The following CKMT1B variants were observed in gnomAD, a reference collection of about 807,000 sequenced individuals.
CKMT1B encodes the protein creatine kinase, mitochondrial 1B, also known as creatine kinase U-type, mitochondrial.
In CKMT1B, 13 loss-of-function variants were observed where a neutral mutation model predicts 21.8. The ratio of observed to expected loss-of-function variants is 0.60; its 90% confidence interval spans 0.39 to 0.95. The LOEUF (loss-of-function observed/expected upper bound fraction) is 0.95, where lower values mean the gene tolerates loss of function less well. Ranked by LOEUF, CKMT1B falls within the 40% of genes least tolerant of loss-of-function variation. The pLI, the probability that CKMT1B is intolerant of heterozygous loss-of-function variation, is 0.00. For missense variants in CKMT1B, 157 were observed against 227.5 expected, an observed-to-expected ratio of 0.69 and a Z score of 1.99; for synonymous variants, 50 against 80.3, an observed-to-expected ratio of 0.62 and a Z score of 2.02.
At position 43,598,252 on chromosome 15, in the gene CKMT1B, C is replaced by T. The variant is rs763630992; in HGVS notation, c.936C>T (p.Tyr312=). 17 of 1,607,606 alleles carry T rather than the reference C, an allele frequency of 1.1e-5. No individual in the cohort carries two copies. Among genetic ancestry groups the T allele is most frequent in the South Asian group, 7.7e-5 (7 of 90,908 alleles). The stretch of plus-strand genomic sequence containing the variant: ...TCATGTGGAATGAGCGTTTGGGATA[C>T]ATCTTGACCTGTCCATCTAACCTGG... ...WEFMWNERLG[Y]ILTCPSNLGT... Residue 312 remains tyrosine (Y), a synonymous_variant, in exon 7 of 9, where the codon TAC becomes TAT. Coordinates refer to ENST00000441322, the MANE Select transcript of CKMT1B (RefSeq NM_001375484.1).
intron 5 of CKMT1B, 22 bp from the exon 6 acceptor site, chr15:43,596,386 A>G: frequency 6.5e-7 from 1 of 1,534,436 alleles, no homozygotes; most frequent in Non-Finnish European, 8.8e-7. Flanking sequence ...CCTCTTGATC[A>G]CTGTCCCTCT....
chr15:43,599,361 C>T lies in CKMT1B; in HGVS notation c.*88C>T, dbSNP rs1166042436. The T allele has an allele frequency of 3.1e-6, 5 of 1,602,144 alleles. No homozygotes were observed. The African/African-American group carries it at 4.0e-5, about 13-fold the overall frequency. ...ATTCTACTTGCTCTGGACCTGCCCCCGCATCCCCTGCCTCCATCCTAGTAA... is the reference window on the plus strand; with the variant it reads ...ATTCTACTTGCTCTGGACCTGCCCCTGCATCCCCTGCCTCCATCCTAGTAA... On this transcript the variant is annotated 3_prime_UTR_variant, in exon 9 of 9. Transcript: ENST00000441322.
rs2085605187 is a variant in CKMT1B at position 43,598,097 on chromosome 15, A to G, written c.877-96A>G. 2.6e-6 allele frequency: 4 copies of G among 1,551,062 alleles called. No homozygotes were observed. The Admixed American group carries it at 7.4e-5, about 29-fold the overall frequency. ...ATTCACAGCCAAGTTTCTGTTCTAG[A>G]CATATTTCTAGTGTTCTTGTGGGTC... On this transcript the variant is annotated intron_variant, in intron 6 of 8. Transcript: ENST00000441322.
Position 43,598,856 on chromosome 15 carries a change from C to A in CKMT1B, c.1041C>A (p.Asn347Lys), listed in dbSNP as rs2085628283. 1 of 1,608,660 alleles carries A rather than the reference C, an allele frequency of 6.2e-7. No homozygotes were observed. The highest frequency in any genetic ancestry group is 8.5e-7 in the Non-Finnish European group (1 of 1,179,398). Residue 347 changes from asparagine (N) to lysine (K), a missense_variant, in exon 8 of 9, where the codon AAC becomes AAA. Transcript: ENST00000441322. Reference sequence around the variant, plus strand: ...GCCGCTTCCCAAAGATCCTGGAGAACCTAAGACTCCAAAAACGTGGTACTG... The same window carrying A: ...GCCGCTTCCCAAAGATCCTGGAGAAACTAAGACTCCAAAAACGTGGTACTG... ...KDSRFPKILE[N>K]LRLQKRGTGG...
chr15:43,599,204 T>C lies in CKMT1B; in HGVS notation c.1185T>C (p.Asp395=). ...TCGATGGAGTAAACTATTTGATTGATTGTGAACGGCGTCTGGAGAGAGGCC... is the reference window on the plus strand; with the variant it reads ...TCGATGGAGTAAACTATTTGATTGACTGTGAACGGCGTCTGGAGAGAGGCC... ...LVIDGVNYLI[D]CERRLERGQD... is the part of the protein sequence containing the mutation. Residue 395 remains aspartate (D), a synonymous_variant, in exon 9 of 9, where the codon GAT becomes GAC. Coordinates refer to ENST00000441322, the MANE Select transcript of CKMT1B (RefSeq NM_001375484.1). 6.8e-6 allele frequency: 11 copies of C among 1,613,634 alleles called. No individual in the cohort carries two copies. The highest frequency in any genetic ancestry group is 9.3e-6 in the Non-Finnish European group (11 of 1,179,842).
rs768203090 is a variant in CKMT1B at position 43,596,236 on chromosome 15, C to G, written c.696C>G (p.Ser232=). ...DDHFLFDKPV[S]PLLTAAGMAR... is the part of the protein sequence containing the mutation. Reference sequence around the variant, plus strand: ...ACTTTCTGTTTGATAAGCCTGTGTCCCCGTTGCTGACTGCAGCAGGAATGG... The same window carrying G: ...ACTTTCTGTTTGATAAGCCTGTGTCGCCGTTGCTGACTGCAGCAGGAATGG... The change falls in exon 5 of 9, where the codon TCC becomes TCG. Residue 232 remains serine (S), a synonymous_variant. Transcript: ENST00000441322. The G allele has an allele frequency of 5.4e-6, 3 of 557,328 alleles. No individual in the cohort carries two copies. The South Asian group carries it at 6.1e-5, about 11-fold the overall frequency. The allele number at this position is 557,328 out of a possible 1,614,324, so 34.5% of individuals were successfully genotyped here.
Position 43,599,206 on chromosome 15 carries a change from G to A in CKMT1B, c.1187G>A (p.Cys396Tyr), listed in dbSNP as rs1298055608. The change falls in exon 9 of 9, where the codon TGT (cysteine) becomes TAT (tyrosine). Residue 396 changes from cysteine (C) to tyrosine (Y), a missense_variant. By Grantham distance (194) the Cys-to-Tyr change is radical (BLOSUM62 -2). Coordinates refer to ENST00000441322, the MANE Select transcript of CKMT1B (RefSeq NM_001375484.1). ...GATGGAGTAAACTATTTGATTGATT[G>A]TGAACGGCGTCTGGAGAGAGGCCAG... The part of the protein sequence containing the change: ...VIDGVNYLID[C>Y]ERRLERGQDI... 1.7e-5 allele frequency: 28 copies of A among 1,613,700 alleles called. No homozygotes were observed. The highest frequency in any genetic ancestry group is 2.4e-5 in the Non-Finnish European group (28 of 1,179,858).
intron 6 of CKMT1B, 54 bp downstream of exon 6, chr15:43,596,585 G>C (rs768877088): frequency 1.2e-6 from 2 of 1,606,668 alleles, no homozygotes; most frequent in South Asian, 1.1e-5. Flanking sequence ...GAAAACCAAA[G>C]AGTAGCATAA....
chr15:43,599,359 C>A lies in CKMT1B; in HGVS notation c.*86C>A. The stretch of plus-strand genomic sequence containing the variant: ...CCATTCTACTTGCTCTGGACCTGCC[C>A]CCGCATCCCCTGCCTCCATCCTAGT... On this transcript the variant is annotated 3_prime_UTR_variant, in exon 9 of 9. Transcript: ENST00000441322. 5 of 1,603,918 alleles carry A rather than the reference C, an allele frequency of 3.1e-6. No individual in the cohort carries two copies. The highest frequency in any genetic ancestry group is 3.4e-6 in the Non-Finnish European group (4 of 1,173,368).
chr15:43,596,552 G>A lies in CKMT1B; in HGVS notation c.876+21G>A, dbSNP rs1219493084. ...AAGAGGTTAGAGAAGACTATGTAGG[G>A]GAGCTAGGTGGGAGGACATAAGGAA... On this transcript the variant is annotated intron_variant, in intron 6 of 8. Transcript: ENST00000441322. 3 of 1,607,864 alleles carry A rather than the reference G, an allele frequency of 1.9e-6. 1 individual carries two copies. The African/African-American group carries it at 4.2e-5, about 22-fold the overall frequency.
chr15:43,597,885 C>T (rs1356458551), intron 6 of CKMT1B: 12 of 1,281,706 alleles, frequency 9.4e-6, no homozygotes, highest in African/African-American at 3.2e-5. Flanking sequence ...TCAGTCATCT[C>T]TCAGTTCAGT....
Position 43,596,343 on chromosome 15 carries a change from T to C in CKMT1B, c.752+51T>C, listed in dbSNP as rs568638041. The C allele has an allele frequency of 9.9e-5, 134 of 1,349,172 alleles. 12 individuals carry two copies. The East Asian group carries it at 1.7e-3, about 17-fold the overall frequency. The allele number at this position is 1,349,172 out of a possible 1,614,324, so 83.6% of individuals were successfully genotyped here. Reference sequence around the variant, plus strand: ...TGTCTTCATGCCCTCATAAATGCTTTTTTTCCCTCTATCTCTCCCAATTCT... The same window carrying C: ...TGTCTTCATGCCCTCATAAATGCTTCTTTTCCCTCTATCTCTCCCAATTCT... On this transcript the variant is annotated intron_variant, in intron 5 of 8. Transcript: ENST00000441322.
At chr15:43,598,391 G>T (rs1300556395) in intron 7 of CKMT1B, 64 bp downstream of exon 7, 2 of 1,597,276 alleles carry the variant, frequency 1.3e-6, no homozygotes, top group East Asian at 4.6e-5. Flanking sequence ...GATGGGGAGG[G>T]AGTGGACCCT....
chr15:43,599,353 C>T lies in CKMT1B; in HGVS notation c.*80C>T. 4 of 1,607,560 alleles carry T rather than the reference C, an allele frequency of 2.5e-6. No individual in the cohort carries two copies. Among genetic ancestry groups the T allele is most frequent in the Non-Finnish European group, 3.4e-6 (4 of 1,175,774 alleles). ...GATGGCCCATTCTACTTGCTCTGGA[C>T]CTGCCCCCGCATCCCCTGCCTCCAT... On this transcript the variant is annotated 3_prime_UTR_variant, in exon 9 of 9. Transcript: ENST00000441322.
chr15:43,599,007 T>C (rs1356344928), intron 8 of CKMT1B, 55 bp downstream of exon 8: 1 of 1,604,774 alleles, frequency 6.2e-7, no homozygotes, highest in African/African-American at 1.4e-5. Context: ...AGGGCCGAAA[T>C]ATGGCAGTGA....
chr15:43,598,118 G>T (rs2085605958), intron 6 of CKMT1B, 75 bp from the exon 7 acceptor site: 2 of 1,584,938 alleles, frequency 1.3e-6, no homozygotes, highest in African/African-American at 2.8e-5. Context: ...GTGTTCTTGT[G>T]GGTCTAGCTA....
At chr15:43,598,699 A>G in intron 7 of CKMT1B, 128 bp from the exon 8 acceptor site, 1 of 1,361,210 alleles carries the variant, frequency 7.3e-7, no homozygotes, top group Non-Finnish European at 9.8e-7. Flanking sequence ...AAAAAAATTA[A>G]AAAAGAAAAA....
chr15:43,596,618 C>G (rs751567706), intron 6 of CKMT1B, 87 bp downstream of exon 6: 3 of 1,587,880 alleles, frequency 1.9e-6, no homozygotes, highest in East Asian at 2.3e-5. Context: ...ATTTACCAAC[C>G]AACCCAGGAC....
intron 6 of CKMT1B, chr15:43,597,512 T>G (rs1317828323): frequency 2.8e-5 from 35 of 1,243,470 alleles, no homozygotes; most frequent in Middle Eastern, 2.2e-4. Context: ...AGATATCCCC[T>G]ATGGCATGGT....
Sources: allele counts gnomAD v4.1 joint callset, GRCh38; gene constraint gnomAD v4.1.1; transcripts MANE v1.5; gene names NCBI Gene and HGNC (gene_info 2026-07-23, HGNC 2026-07-21).